The following CSMD3 variants were observed in gnomAD, a reference collection of about 807,000 sequenced individuals.
CSMD3 encodes the protein CUB and Sushi multiple domains 3.
CSMD3 carries 177 observed loss-of-function variants against 435.2 expected under a neutral mutation model. The observed-to-expected ratio is 0.41, with a 90% CI of 0.36 to 0.46. The LOEUF (loss-of-function observed/expected upper bound fraction) is 0.46, where lower values mean the gene tolerates loss of function less well. Among genes scored for constraint, CSMD3 ranks in the 20% least tolerant of loss-of-function variants. The pLI, the probability that CSMD3 is intolerant of heterozygous loss-of-function variation, is 0.34. For missense variants in CSMD3, 4,265 were observed against 4,504.6 expected (o/e 0.95, Z 1.52); for synonymous variants, 1,656 against 1,520.5 (o/e 1.09, Z -2.07).
chr8:113,418,688 C>A (rs746058466), intron 1 of CSMD3, among the ~76,000 whole-genome samples: 2 of 152,192 alleles, frequency 1.3e-5, no homozygotes, highest in East Asian at 1.9e-4. Flanking sequence ...GCTGTCTGTA[C>A]TACTGAGCCA....
At chr8:112,251,357 TA>T (rs1231565891) in intron 63 of CSMD3, among the ~76,000 whole-genome samples, 2 of 151,822 alleles carry the variant, frequency 1.3e-5, no homozygotes, top group East Asian at 3.9e-4. Context: ...GGCAAGATCA[TA>T]AAAAATGAAG....
intron 1 of CSMD3, among the ~76,000 whole-genome samples, chr8:113,389,601 T>C (rs2094453350): frequency 1.3e-5 from 2 of 151,752 alleles, no homozygotes; most frequent in South Asian, 4.1e-4. Flanking sequence ...AGAAACTAAA[T>C]TGTAAAAAGT....
intron 5 of CSMD3, among the ~76,000 whole-genome samples, chr8:113,044,265 T>C (rs1691066468): frequency 6.7e-6 from 1 of 149,936 alleles, no homozygotes; most frequent in African/African-American, 2.4e-5. Context: ...GTAAGAAATA[T>C]GAAATAGCAA....
At chr8:112,726,100 AACC>A (rs1477827417) in intron 13 of CSMD3, among the ~76,000 whole-genome samples, 1 of 151,964 alleles carries the variant, frequency 6.6e-6, no homozygotes, top group Non-Finnish European at 1.5e-5. Context: ...AAAAATTATA[AACC>A]ATCAGATCTC....
intron 12 of CSMD3, among the ~76,000 whole-genome samples, chr8:112,805,729 T>G (rs2079070317): frequency 6.6e-6 from 1 of 152,240 alleles, no homozygotes; most frequent in Non-Finnish European, 1.5e-5. Context: ...ATTGCTCTAG[T>G]AAACAAGTTT....
intron 45 of CSMD3, among the ~76,000 whole-genome samples, chr8:112,329,250 C>T (rs139697171): frequency 2.5e-4 from 38 of 152,110 alleles, no homozygotes; most frequent in African/African-American, 8.4e-4. Context: ...AAACAGTTTC[C>T]CAGAAGACAA....
chr8:112,696,379 A>G (rs971884773), intron 13 of CSMD3, among the ~76,000 whole-genome samples: 4 of 152,188 alleles, frequency 2.6e-5, no homozygotes, highest in African/African-American at 7.2e-5. Context: ...AAACAGACAC[A>G]TAGACCAATG....
chr8:112,452,724 T>A (rs537602929), intron 32 of CSMD3, among the ~76,000 whole-genome samples: 17 of 152,316 alleles, frequency 1.1e-4, no homozygotes, highest in Non-Finnish European at 2.2e-4. Flanking sequence ...ATTTAAATAA[T>A]GCATTTTTTC....
At chr8:112,795,074 T>C (rs1002290578) in intron 13 of CSMD3, among the ~76,000 whole-genome samples, 1 of 152,142 alleles carries the variant, frequency 6.6e-6, no homozygotes, top group Admixed American at 6.6e-5. Flanking sequence ...CTAAAAAACA[T>C]GTAACTTTTA....
At chr8:113,350,006 A>G (rs569032978) in intron 1 of CSMD3, among the ~76,000 whole-genome samples, 95 of 152,164 alleles carry the variant, frequency 6.2e-4, no homozygotes, top group Admixed American at 1.4e-3. Context: ...TTAAGAGTCT[A>G]GAGTCCGAGG....
At chr8:112,741,794 A>ATAGATAGAT (rs151301351) in intron 13 of CSMD3, among the ~76,000 whole-genome samples, 29 of 149,352 alleles carry the variant, frequency 1.9e-4, no homozygotes, top group Non-Finnish European at 4.0e-4. Flanking sequence ...AGATAGAGAG[A>ATAGATAGAT]AGATAGATAG....
intron 31 of CSMD3, among the ~76,000 whole-genome samples, chr8:112,489,386 C>G (rs2130836171): frequency 6.6e-6 from 1 of 152,272 alleles, no homozygotes; most frequent in Non-Finnish European, 1.5e-5. Context: ...AATTGCACCA[C>G]TATACTCCAG....
intron 13 of CSMD3, among the ~76,000 whole-genome samples, chr8:112,744,473 T>C (rs182922705): frequency 7.9e-5 from 12 of 152,208 alleles, no homozygotes; most frequent in African/African-American, 2.6e-4. Context: ...AGTATTTATC[T>C]TTCAGTAATC....
intron 5 of CSMD3, among the ~76,000 whole-genome samples, chr8:113,081,264 T>C (rs981653014): frequency 6.6e-6 from 1 of 152,190 alleles, no homozygotes; most frequent in East Asian, 1.9e-4. Flanking sequence ...TACAGATCCA[T>C]GTTCACTGTG....
chr8:113,071,685 A>G (rs930270460), intron 5 of CSMD3, among the ~76,000 whole-genome samples: 1 of 151,680 alleles, frequency 6.6e-6, no homozygotes, highest in African/African-American at 2.4e-5. Context: ...TATGGTAGTT[A>G]TATTATTTTG....
intron 13 of CSMD3, among the ~76,000 whole-genome samples, chr8:112,747,120 A>G (rs1184392970): frequency 1.4e-5 from 2 of 138,018 alleles, no homozygotes; most frequent in Admixed American, 1.6e-4. Context: ...CATTATTCCC[A>G]TAATGTTCTC....
chr8:113,372,725 A>C (rs557779093), intron 1 of CSMD3, among the ~76,000 whole-genome samples: 2 of 152,130 alleles, frequency 1.3e-5, no homozygotes, highest in African/African-American at 4.8e-5. Context: ...TGAGGTCAGG[A>C]GATCGAGACC....
intron 22 of CSMD3, among the ~76,000 whole-genome samples, chr8:112,618,159 G>A (rs1274644586): frequency 1.3e-5 from 2 of 152,034 alleles, no homozygotes; most frequent in Non-Finnish European, 2.9e-5. Context: ...TAAAATCATG[G>A]TATACAGTAA....
intron 4 of CSMD3, among the ~76,000 whole-genome samples, chr8:113,147,385 T>C (rs1031164311): frequency 1.3e-5 from 2 of 151,750 alleles, no homozygotes; most frequent in African/African-American, 4.8e-5. Context: ...CTAGTTGACT[T>C]TGCCACACTT....
Sources: gnomAD v4.1 joint callset for allele counts (sites outside exome capture counted in the v4.1 genomes callset) on GRCh38, gnomAD v4.1.1 for gene constraint, MANE v1.5 for transcripts, NCBI Gene and HGNC (gene_info 2026-07-23, HGNC 2026-07-21) for gene names.